Variants in EMSY observed in about 807,000 individuals in gnomAD.
EMSY encodes the protein EMSY transcriptional repressor, BRCA2 interacting.
In EMSY, 26 loss-of-function variants were observed where a neutral mutation model predicts 134.6. That is an observed-to-expected ratio of 0.19 (90% CI 0.14 to 0.27). EMSY has a LOEUF of 0.27. EMSY is among the 10% of genes least tolerant of loss of function. The pLI, the probability that EMSY is intolerant of heterozygous loss-of-function variation, is 1.00. For synonymous variants in EMSY, 579 were observed against 577.8 expected, an observed-to-expected ratio of 1.00 and a Z score of -0.03; for missense variants, 1,305 against 1,611.4, an observed-to-expected ratio of 0.81 and a Z score of 3.26.
intron 11 of EMSY, among the ~76,000 whole-genome samples, chr11:76,518,699 A>T (rs943086679): frequency 4.0e-5 from 5 of 124,686 alleles, no homozygotes; most frequent in African/African-American, 1.2e-4. Flanking sequence ...ATATATATAT[A>T]TATATTTTTT....
chr11:76,454,656 A>C, intron 4 of EMSY, 93 bp from the exon 5 acceptor site: 1 of 757,588 alleles, frequency 1.3e-6, no homozygotes, highest in Non-Finnish European at 2.1e-6. Flanking sequence ...TTGGAAAGGT[A>C]TTGTGGGGCA....
chr11:76,528,426 T>G (rs771882531), exon 14 of EMSY: 1 of 1,611,404 alleles, frequency 6.2e-7, no homozygotes, highest in South Asian at 1.1e-5. Flanking sequence ...ATTATACAGA[T>G]AGTAGTTCCT....
At chr11:76,545,704 C>T (rs1035383553) in intron 19 of EMSY, 93 bp from the exon 21 acceptor site, 48 of 1,411,660 alleles carry the variant, frequency 3.4e-5, no homozygotes, top group African/African-American at 1.6e-4. Context: ...GTATAGCGCA[C>T]GAATGTTTCT....
chr11:76,543,524 A>C (rs2136725332), intron 18 of EMSY, among the ~76,000 whole-genome samples: 1 of 152,206 alleles, frequency 6.6e-6, no homozygotes, highest in East Asian at 1.9e-4. Context: ...GGACACCTAG[A>C]AAGGTCTGAC....
intron 7 of EMSY, among the ~76,000 whole-genome samples, chr11:76,465,271 T>C (rs151280839): frequency 3.3e-4 from 51 of 152,324 alleles, no homozygotes; most frequent in African/African-American, 1.1e-3. Flanking sequence ...TCTAATATAA[T>C]GGAAAAAGCC....
At chr11:76,488,340 C>T (rs2135631718) in intron 8 of EMSY, among the ~76,000 whole-genome samples, 1 of 152,176 alleles carries the variant, frequency 6.6e-6, no homozygotes, top group East Asian at 1.9e-4. Context: ...GTGGTGTACA[C>T]CTGTAATCGT....
intron 9 of EMSY, among the ~76,000 whole-genome samples, chr11:76,502,496 C>T (rs1949911188): frequency 7.1e-6 from 1 of 141,120 alleles, no homozygotes; most frequent in Non-Finnish European, 1.5e-5. Flanking sequence ...GAAACTCTAC[C>T]CCTATTTGCA....
At chr11:76,544,638 GGCA>G in exon 19 of EMSY, 1 of 1,614,072 alleles carries the variant, frequency 6.2e-7, no homozygotes. Flanking sequence ...GCCAAAGACA[GGCA>G]GCTTCCTACC....
intron 9 of EMSY, among the ~76,000 whole-genome samples, chr11:76,508,930 G>C (rs969137283): frequency 6.6e-6 from 1 of 152,104 alleles, no homozygotes. Flanking sequence ...TTGGAAACAA[G>C]CAGGCCCAAG....
chr11:76,532,655 A>G (rs1939467), intron 14 of EMSY, among the ~76,000 whole-genome samples: 40,990 of 151,976 alleles, frequency 0.27, 5,830 homozygotes, highest in Non-Finnish European at 0.32. Flanking sequence ...CTTTGTTTCC[A>G]AAAGGTTTTA....
At chr11:76,526,770 T>C in intron 13 of EMSY, 135 bp downstream of exon 14, 2 of 863,524 alleles carry the variant, frequency 2.3e-6, no homozygotes, top group Non-Finnish European at 3.5e-6. Context: ...TTGAATGTGT[T>C]AATTATTCAA....
At chr11:76,531,853 C>G (rs965148436) in intron 14 of EMSY, among the ~76,000 whole-genome samples, 4 of 152,138 alleles carry the variant, frequency 2.6e-5, no homozygotes, top group African/African-American at 4.8e-5. Context: ...TTCTGCTACA[C>G]AAGTCCTGGA....
exon 20 of EMSY, chr11:76,546,064 A>G: frequency 6.2e-7 from 1 of 1,614,206 alleles, no homozygotes; most frequent in Non-Finnish European, 8.5e-7. Flanking sequence ...TAGCATGCTC[A>G]CTGGTGAAGC....
intron 7 of EMSY, among the ~76,000 whole-genome samples, chr11:76,472,085 C>T (rs1413244028): frequency 1.3e-5 from 2 of 152,112 alleles, no homozygotes; most frequent in East Asian, 1.9e-4. Flanking sequence ...TTTGTCTCTG[C>T]GTGACATATA....
At chr11:76,454,127 G>GT (rs1947780624) in intron 4 of EMSY, among the ~76,000 whole-genome samples, 2 of 152,100 alleles carry the variant, frequency 1.3e-5, no homozygotes, top group Admixed American at 6.5e-5. Context: ...TAATTCATTT[G>GT]TTTTTTATTT....
intron 11 of EMSY, chr11:76,516,882 ATATTT>A (rs940225067): frequency 6.6e-6 from 1 of 152,206 alleles, no homozygotes; most frequent in African/African-American, 2.4e-5. Context: ...CTTTTCAGAA[ATATTT>A]TACTTTAATA....
At chr11:76,507,923 G>A (rs1260423704) in intron 9 of EMSY, among the ~76,000 whole-genome samples, 1 of 144,262 alleles carries the variant, frequency 6.9e-6, no homozygotes, top group Non-Finnish European at 1.5e-5. Context: ...GGAATGCAGT[G>A]ACACAATCAT....
intron 9 of EMSY, among the ~76,000 whole-genome samples, chr11:76,509,362 G>A (rs1387198589): frequency 6.6e-6 from 1 of 152,114 alleles, no homozygotes; most frequent in African/African-American, 2.4e-5. Context: ...GTGTGTTGGT[G>A]GGTGCCTATA....
At chr11:76,498,276 G>A (rs995700334) in intron 9 of EMSY, among the ~76,000 whole-genome samples, 4 of 152,058 alleles carry the variant, frequency 2.6e-5, no homozygotes, top group East Asian at 1.9e-4. Flanking sequence ...CATGGTGCTC[G>A]TAAAATATCT....
Sources: allele counts gnomAD v4.1 joint callset (sites outside exome capture counted in the v4.1 genomes callset), GRCh38; gene constraint gnomAD v4.1.1; transcripts MANE v1.5; gene names NCBI Gene and HGNC (gene_info 2026-07-23, HGNC 2026-07-21).